ADAMTS3: variants seen among roughly 807,000 people sequenced by gnomAD.
ADAMTS3 encodes ADAM metallopeptidase with thrombospondin type 1 motif 3.
Under a neutral mutation model 129.0 loss-of-function variants are expected in ADAMTS3, and 73 were observed. That is an observed-to-expected ratio of 0.57 (90% CI 0.47 to 0.69). The LOEUF (loss-of-function observed/expected upper bound fraction) is 0.69. Among genes scored for constraint, ADAMTS3 ranks in the 30% least tolerant of loss-of-function variants. ADAMTS3 has a pLI of 0.00. For missense variants in ADAMTS3, 1,457 were observed against 1,514.5 expected, an observed-to-expected ratio of 0.96 and a Z score of 0.63; for synonymous variants, 477 against 510.8, an observed-to-expected ratio of 0.93 and a Z score of 0.89.
At chr4:72,529,356 TA>T (rs556566887) in intron 3 of ADAMTS3, among the ~76,000 whole-genome samples, 563 of 152,106 alleles carry the variant, frequency 3.7e-3, no homozygotes, top group Middle Eastern at 0.02. Flanking sequence ...TCTACAGACT[TA>T]CTGAGTCAGA....
At position 72,568,773 on chromosome 4, in the gene ADAMTS3, G is replaced by T; in HGVS notation, c.-11C>A. 1 of 1,611,372 alleles carries T rather than the reference G, an allele frequency of 6.2e-7. No individual in the cohort carries two copies. Among genetic ancestry groups the T allele is most frequent in the Non-Finnish European group, 8.5e-7 (1 of 1,178,576 alleles). ...TGACAGGAGAACCATCACGAGTCGA[G>T]TTCACTTTCCAACTACTGGGCAAAG... On this transcript the variant is annotated 5_prime_UTR_variant, in exon 1 of 22. Coordinates refer to ENST00000286657, the MANE Select transcript of ADAMTS3 (RefSeq NM_014243.3).
chr4:72,422,240 C>T (rs1487587278), intron 3 of ADAMTS3, among the ~76,000 whole-genome samples: 1 of 151,986 alleles, frequency 6.6e-6, no homozygotes, highest in Non-Finnish European at 1.5e-5. Flanking sequence ...TAAAAAGATG[C>T]AACCATTTTT....
chr4:72,514,982 C>A (rs540084261), intron 3 of ADAMTS3, among the ~76,000 whole-genome samples: 4 of 152,074 alleles, frequency 2.6e-5, no homozygotes, highest in Non-Finnish European at 4.4e-5. Flanking sequence ...CTATCCCTCC[C>A]CGCTACCCCC....
At chr4:72,530,549 A>G (rs1258932467) in intron 3 of ADAMTS3, among the ~76,000 whole-genome samples, 3 of 82,912 alleles carry the variant, frequency 3.6e-5, no homozygotes, top group African/African-American at 1.5e-4. Context: ...ATTAATTTAA[A>G]ATATATTGAT....
intron 4 of ADAMTS3, among the ~76,000 whole-genome samples, chr4:72,389,610 G>C (rs1425203368): frequency 1.3e-5 from 2 of 152,004 alleles, no homozygotes; most frequent in Non-Finnish European, 2.9e-5. Context: ...ACTATGCAGT[G>C]GAGAAACAGC....
intron 4 of ADAMTS3, among the ~76,000 whole-genome samples, chr4:72,410,939 C>T (rs771781172): frequency 1.3e-5 from 2 of 152,036 alleles, no homozygotes; most frequent in Non-Finnish European, 2.9e-5. Context: ...GGATGCTATT[C>T]GTTTGCTAGA....
intron 5 of ADAMTS3, among the ~76,000 whole-genome samples, chr4:72,329,926 T>C (rs538328080): frequency 4.5e-4 from 68 of 152,294 alleles, no homozygotes; most frequent in African/African-American, 1.6e-3. Flanking sequence ...GTTTTTTGAC[T>C]GTTCTCCTGA....
chr4:72,521,255 C>T (rs1188575440), intron 3 of ADAMTS3, among the ~76,000 whole-genome samples: 5 of 152,126 alleles, frequency 3.3e-5, no homozygotes, highest in Non-Finnish European at 7.4e-5. Context: ...GCCTCAGCTG[C>T]CCAAAGTGCT....
intron 3 of ADAMTS3, among the ~76,000 whole-genome samples, chr4:72,446,095 A>G (rs559511685): frequency 6.6e-6 from 1 of 151,788 alleles, no homozygotes; most frequent in Non-Finnish European, 1.5e-5. Context: ...CTTGACCTCA[A>G]GGGCCCCAGG....
rs377163219 is a variant in ADAMTS3, at chr4:72,313,695, C to A, written c.1727G>T (p.Arg576Leu). Residue 576 changes from arginine (R) to leucine (L), a missense_variant, in exon 12 of 22, where the codon CGC becomes CTC. Physicochemically the swap from Arg to Leu is moderately radical, Grantham distance 102. Transcript: ENST00000286657. ...TACTCACATGGGATTATTGCACTGGCGTGTTCTGAAACGAACACCAGTTCC... is the reference window on the plus strand; with the variant it reads ...TACTCACATGGGATTATTGCACTGGAGTGTTCTGAAACGAACACCAGTTCC... ...TCGTGVRFRT[R>L]QCNNPMPING... 1 of 1,613,518 alleles carries A rather than the reference C, an allele frequency of 6.2e-7. No homozygotes were observed. The highest frequency in any genetic ancestry group is 1.1e-5 in the South Asian group (1 of 91,070).
intron 4 of ADAMTS3, among the ~76,000 whole-genome samples, chr4:72,359,314 C>T (rs1386838031): frequency 6.6e-6 from 1 of 152,012 alleles, no homozygotes; most frequent in Non-Finnish European, 1.5e-5. Context: ...AGATACCACC[C>T]ATGAGACCTA....
chr4:72,318,255 T>C lies in ADAMTS3; in HGVS notation c.1485+317A>G, dbSNP rs545863391. On this transcript the variant is annotated intron_variant, in intron 10 of 21. Transcript: ENST00000286657. ...AGGGGATGCAAAGAACATGAAGATT[T>C]GAGCCTGGCAGCCTTGGTTTCAAAG... Among the ~76,000 whole-genome samples, 62 of 152,268 alleles carry C rather than the reference T, an allele frequency of 4.1e-4. 1 individual carries two copies. In the South Asian group the frequency reaches 0.013, roughly 32 times the overall value.
intron 4 of ADAMTS3, among the ~76,000 whole-genome samples, chr4:72,410,428 G>A (rs1722158342): frequency 6.6e-6 from 1 of 152,092 alleles, no homozygotes; most frequent in African/African-American, 2.4e-5. Context: ...AGGAGATAAA[G>A]GCTCACTATT....
chr4:72,422,930 GTCA>G (rs561007264), intron 3 of ADAMTS3, among the ~76,000 whole-genome samples: 7 of 152,064 alleles, frequency 4.6e-5, no homozygotes, highest in Non-Finnish European at 7.4e-5. Context: ...ATAAAAATCA[GTCA>G]TCAAGAGAAG....
Position 72,491,135 on chromosome 4 carries a change from T to C in ADAMTS3, c.504+57343A>G, listed in dbSNP as rs77934332. On this transcript the variant is annotated intron_variant, in intron 3 of 21. Transcript: ENST00000286657. Reference sequence around the variant, plus strand: ...TTTTGGACAATTTGTTGTTTGTAAATAGAAGCACAATTGATTTTGTTCTGT... The same window carrying C: ...TTTTGGACAATTTGTTGTTTGTAAACAGAAGCACAATTGATTTTGTTCTGT... Among the ~76,000 whole-genome samples the C allele has an allele frequency of 3.7e-3, 566 of 151,992 alleles. 3 individuals carry two copies. Among genetic ancestry groups the C allele is most frequent in the Non-Finnish European group, 6.9e-3 (471 of 67,796 alleles).
chr4:72,519,784 T>C (rs1720608783), intron 3 of ADAMTS3, among the ~76,000 whole-genome samples: 7 of 152,222 alleles, frequency 4.6e-5, no homozygotes, highest in Admixed American at 4.6e-4. Flanking sequence ...TTGGTTTGAA[T>C]TTCTTCCTGT....
rs72656032 is a variant in ADAMTS3 at position 72,444,215 on chromosome 4, C to A, written c.505-29244G>T. Among the ~76,000 whole-genome samples the A allele has an allele frequency of 4.3e-3, 654 of 151,720 alleles. 3 individuals carry two copies. Among genetic ancestry groups the A allele is most frequent in the Middle Eastern group, 0.014 (4 of 294 alleles). On this transcript the variant is annotated intron_variant, in intron 3 of 21. Coordinates refer to ENST00000286657, the MANE Select transcript of ADAMTS3 (RefSeq NM_014243.3). ...GTTCCTTCTCCTATTCCTAGAAAAACAAATCATAAAAGAATTCACTGCTAC... is the reference window on the plus strand; with the variant it reads ...GTTCCTTCTCCTATTCCTAGAAAAAAAAATCATAAAAGAATTCACTGCTAC...
rs190429537 is a variant in ADAMTS3, at chr4:72,328,119, T to C, written c.862-5022A>G. Among the ~76,000 whole-genome samples the C allele has an allele frequency of 4.8e-4, 73 of 152,328 alleles. No homozygotes were observed. The East Asian group carries it at 8.1e-3, about 17-fold the overall frequency. The stretch of plus-strand genomic sequence containing the variant: ...AAAAACACTGAGTATCTTTTCACCA[T>C]GTGAGCCAACCTATTGGACCATGGG... On this transcript the variant is annotated intron_variant, in intron 5 of 21. Coordinates refer to ENST00000286657, the MANE Select transcript of ADAMTS3 (RefSeq NM_014243.3).
At chr4:72,406,932 G>T (rs1722066421) in intron 4 of ADAMTS3, among the ~76,000 whole-genome samples, 1 of 152,136 alleles carries the variant, frequency 6.6e-6, no homozygotes, top group African/African-American at 2.4e-5. Context: ...GGGTGCTGGT[G>T]AGTGACAAAA....
Sources: allele counts gnomAD v4.1 joint callset (sites outside exome capture counted in the v4.1 genomes callset), GRCh38; gene constraint gnomAD v4.1.1; transcripts MANE v1.5; gene names NCBI Gene and HGNC (gene_info 2026-07-23, HGNC 2026-07-21).